TESMIN: variants seen among roughly 807,000 people sequenced by gnomAD.
The protein encoded by TESMIN is CXC domain containing 2.
In TESMIN, 34 loss-of-function variants were observed where a neutral mutation model predicts 47.4. The observed-to-expected ratio is 0.72, with a 90% CI of 0.55 to 0.96. TESMIN has a LOEUF of 0.96. Ranked by LOEUF, TESMIN falls within the 40% of genes least tolerant of loss-of-function variation. TESMIN has a pLI of 0.00. For synonymous variants in TESMIN, 278 were observed against 258.9 expected (o/e 1.07, Z -0.71); for missense variants, 610 against 637.2 (o/e 0.96, Z 0.46).
At chr11:68,711,183 G>T in intron 8 of TESMIN, 134 bp from the exon 9 acceptor site, 1 of 780,238 alleles carries the variant, frequency 1.3e-6, no homozygotes, top group Non-Finnish European at 2.0e-6. Flanking sequence ...GTCTGTGTGT[G>T]TTGAGTGTGA....
intron 6 of TESMIN, among the ~76,000 whole-genome samples, chr11:68,735,520 C>A (rs139960569): frequency 1.4e-3 from 216 of 152,248 alleles, no homozygotes; most frequent in Non-Finnish European, 2.3e-3. Context: ...TCAGGGGACA[C>A]CAAGGATAAC....
At chr11:68,747,089 A>C in intron 3 of TESMIN, 119 bp downstream of exon 3, 1 of 1,176,564 alleles carries the variant, frequency 8.5e-7, no homozygotes, top group Non-Finnish European at 1.2e-6. Flanking sequence ...ACAACCAAAA[A>C]TCCTGATACA....
chr11:68,716,876 C>A (rs1296280580), intron 6 of TESMIN, among the ~76,000 whole-genome samples: 2 of 152,226 alleles, frequency 1.3e-5, no homozygotes, highest in Non-Finnish European at 2.9e-5. Context: ...CCAGAGAAGA[C>A]CCCTGTCACT....
intron 6 of TESMIN, among the ~76,000 whole-genome samples, chr11:68,727,902 C>A (rs1004160919): frequency 1.3e-5 from 2 of 152,142 alleles, no homozygotes; most frequent in Non-Finnish European, 2.9e-5. Context: ...CATATAAGAG[C>A]ACGAACTTAA....
At chr11:68,745,614 A>G (rs545527786) in intron 3 of TESMIN, among the ~76,000 whole-genome samples, 27 of 152,366 alleles carry the variant, frequency 1.8e-4, no homozygotes, top group African/African-American at 6.3e-4. Context: ...CTTTCCTGCC[A>G]CACACATGTC....
chr11:68,736,489 G>A (rs1276241187), intron 6 of TESMIN: 12 of 985,238 alleles, frequency 1.2e-5, no homozygotes, highest in African/African-American at 3.5e-5. Flanking sequence ...CCAGCAAAAC[G>A]TTCTCTGACT....
chr11:68,738,874 C>A (rs923986184), intron 5 of TESMIN, 86 bp from the exon 6 acceptor site: 30 of 1,155,678 alleles, frequency 2.6e-5, no homozygotes, highest in Non-Finnish European at 3.6e-5. Flanking sequence ...AAAAATGATT[C>A]TTTTTTTCCC....
At chr11:68,747,758 C>G (rs1946539726) in intron 2 of TESMIN, among the ~76,000 whole-genome samples, 1 of 152,076 alleles carries the variant, frequency 6.6e-6, no homozygotes, top group African/African-American at 2.4e-5. Context: ...CCTTTCCTGC[C>G]TTAATAGTAG....
chr11:68,734,942 T>C (rs1946370470), intron 6 of TESMIN, among the ~76,000 whole-genome samples: 1 of 152,122 alleles, frequency 6.6e-6, no homozygotes, highest in Non-Finnish European at 1.5e-5. Context: ...CCGCCCCTGC[T>C]CTCACCACCT....
At chr11:68,734,345 G>A (rs1004194854) in intron 6 of TESMIN, among the ~76,000 whole-genome samples, 3 of 152,170 alleles carry the variant, frequency 2.0e-5, no homozygotes, top group Admixed American at 6.5e-5. Context: ...GTGTCTCTGG[G>A]TGTTGCTAAA....
At chr11:68,746,677 G>A (rs1265287624) in intron 3 of TESMIN, among the ~76,000 whole-genome samples, 1 of 152,148 alleles carries the variant, frequency 6.6e-6, no homozygotes, top group African/African-American at 2.4e-5. Flanking sequence ...TGTAGATGAT[G>A]TAACATCTCT....
At chr11:68,717,302 C>T (rs1459746344) in intron 6 of TESMIN, among the ~76,000 whole-genome samples, 1 of 152,230 alleles carries the variant, frequency 6.6e-6, no homozygotes, top group Non-Finnish European at 1.5e-5. Flanking sequence ...GGGCATCTGC[C>T]AGTCCCTAGG....
chr11:68,711,313 T>G (rs113349532), intron 8 of TESMIN, among the ~76,000 whole-genome samples: 5 of 133,750 alleles, frequency 3.7e-5, no homozygotes, highest in Admixed American at 7.5e-5. Context: ...TGAGTGTGTG[T>G]GGGGTGTGTG....
intron 6 of TESMIN, among the ~76,000 whole-genome samples, chr11:68,720,376 C>T (rs904879891): frequency 2.0e-5 from 3 of 152,152 alleles, no homozygotes; most frequent in Non-Finnish European, 4.4e-5. Flanking sequence ...TCCACATGTG[C>T]TCTTATCATT....
rs766334730 is a variant in TESMIN at position 68,745,023 on chromosome 11, T to G, written c.719A>C (p.Gln240Pro). The G allele has an allele frequency of 1.7e-5, 27 of 1,585,852 alleles. No homozygotes were observed. The highest frequency in any genetic ancestry group is 2.2e-5 in the Non-Finnish European group (26 of 1,171,414). Reference sequence around the variant, plus strand: ...TAGATAATTATTTTGATCTTGATACTGAGGAACCAAATGGAGTGCTTTTAG... The same window carrying G: ...TAGATAATTATTTTGATCTTGATACGGAGGAACCAAATGGAGTGCTTTTAG... ...RELKALHLVPQYQDQNNYLQS... is the reference protein window; with the variant it reads ...RELKALHLVPPYQDQNNYLQS... The change falls in exon 4 of 10, where the codon CAG becomes CCG. Residue 240 changes from glutamine (Q) to proline (P), a missense_variant. Gln to Pro is a moderately conservative substitution (Grantham distance 76). Transcript: ENST00000255087.
chr11:68,743,835 G>T (rs1946488049), intron 4 of TESMIN, among the ~76,000 whole-genome samples: 2 of 152,200 alleles, frequency 1.3e-5, no homozygotes, highest in South Asian at 4.1e-4. Flanking sequence ...TTATTGTGAT[G>T]TTTAATATGT....
At chr11:68,730,168 A>G (rs1308895880) in intron 6 of TESMIN, among the ~76,000 whole-genome samples, 3 of 152,242 alleles carry the variant, frequency 2.0e-5, no homozygotes, top group East Asian at 1.9e-4. Flanking sequence ...GCTATTGCAC[A>G]CTGATTGTAC....
At chr11:68,716,048 C>T in intron 6 of TESMIN, 109 bp from the exon 7 acceptor site, 1 of 694,556 alleles carries the variant, frequency 1.4e-6, no homozygotes, top group South Asian at 1.7e-5. Context: ...GCAGTCAGAA[C>T]ACTGAACACT....
chr11:68,722,511 A>C (rs1197001477), intron 6 of TESMIN, among the ~76,000 whole-genome samples: 1 of 152,094 alleles, frequency 6.6e-6, no homozygotes, highest in Non-Finnish European at 1.5e-5. Flanking sequence ...AACCTAAATA[A>C]AACTTAAAAC....
Sources: allele counts gnomAD v4.1 joint callset (sites outside exome capture counted in the v4.1 genomes callset), GRCh38; gene constraint gnomAD v4.1.1; transcripts MANE v1.5; gene names NCBI Gene and HGNC (gene_info 2026-07-23, HGNC 2026-07-21).